The following SGCD variants were observed in gnomAD, a reference collection of about 807,000 sequenced individuals.
SGCD encodes the protein delta-sarcoglycan.
SGCD carries 18 observed loss-of-function variants against 36.6 expected under a neutral mutation model. That is an observed-to-expected ratio of 0.49 (90% confidence interval 0.34 to 0.73). SGCD has a LOEUF of 0.73. Ranked by LOEUF, SGCD falls within the 30% of genes least tolerant of loss-of-function variation. The pLI is 0.01. For missense variants in SGCD, 387 were observed against 346.7 expected (o/e 1.12, Z -0.92); for synonymous variants, 133 against 130.6 (o/e 1.02, Z -0.12).
intron 7 of SGCD, among the ~76,000 whole-genome samples, chr5:156,717,058 C>T (rs1358517514): frequency 6.6e-6 from 1 of 152,158 alleles, no homozygotes; most frequent in African/African-American, 2.4e-5. Context: ...GAAATTAATA[C>T]ATTGAATATT....
intron 3 of SGCD, among the ~76,000 whole-genome samples, chr5:156,424,386 C>T (rs558618908): frequency 2.0e-5 from 3 of 152,150 alleles, no homozygotes; most frequent in Admixed American, 6.6e-5. Context: ...GCCTCCAATT[C>T]TCCACAAATA....
At chr5:156,379,228 T>C (rs979354903) in intron 3 of SGCD, among the ~76,000 whole-genome samples, 5 of 152,130 alleles carry the variant, frequency 3.3e-5, no homozygotes, top group Non-Finnish European at 5.9e-5. Flanking sequence ...ACAGTGATAA[T>C]TGCTAAGGAG....
chr5:156,727,852 A>G (rs182979825), intron 7 of SGCD, among the ~76,000 whole-genome samples: 51 of 152,348 alleles, frequency 3.3e-4, no homozygotes, highest in Admixed American at 9.1e-4. Flanking sequence ...ATTTATTTTC[A>G]ATGTAAAGTA....
At chr5:155,769,948 C>A in the SGCD span, among the ~76,000 whole-genome samples, 4 of 152,146 alleles carry the variant, frequency 2.6e-5, no homozygotes, top group African/African-American at 9.6e-5. Context: ...TGCTTTGTAC[C>A]TTTTCTCTTT....
chr5:156,384,358 G>A (rs1357194673), intron 3 of SGCD, among the ~76,000 whole-genome samples: 1 of 152,096 alleles, frequency 6.6e-6, no homozygotes, highest in African/African-American at 2.4e-5. Flanking sequence ...TATGTGAGAT[G>A]TCCCTCCTGT....
chr5:155,790,126 A>G, the SGCD span, among the ~76,000 whole-genome samples: 1 of 152,080 alleles, frequency 6.6e-6, no homozygotes, highest in Non-Finnish European at 1.5e-5. Flanking sequence ...AAATGCTGAA[A>G]CAAAGCTTTA....
At chr5:155,987,615 G>T (rs1338509009) in intron 1 of SGCD, among the ~76,000 whole-genome samples, 1 of 152,116 alleles carries the variant, frequency 6.6e-6, no homozygotes, top group African/African-American at 2.4e-5. Flanking sequence ...GGTCCTTCAC[G>T]ATCTGGCCTT....
chr5:156,580,876 T>C (rs567936196), intron 4 of SGCD, among the ~76,000 whole-genome samples: 1 of 152,330 alleles, frequency 6.6e-6, no homozygotes, highest in African/African-American at 2.4e-5. Flanking sequence ...TGTTTGTTAT[T>C]ACCAACCTTC....
intron 3 of SGCD, among the ~76,000 whole-genome samples, chr5:156,498,593 C>T (rs1171540993): frequency 6.6e-6 from 1 of 152,116 alleles, no homozygotes; most frequent in African/African-American, 2.4e-5. Context: ...TAGCATGTAC[C>T]TGTATTTCAT....
chr5:155,807,074 G>T, the SGCD span, among the ~76,000 whole-genome samples: 2 of 152,212 alleles, frequency 1.3e-5, no homozygotes, highest in South Asian at 4.1e-4. Context: ...TTGCCTTCTT[G>T]CTTATTTTAA....
At chr5:156,289,293 CTTTAT>C (rs1766697232) in intron 3 of SGCD, among the ~76,000 whole-genome samples, 1 of 151,920 alleles carries the variant, frequency 6.6e-6, no homozygotes, top group African/African-American at 2.4e-5. Flanking sequence ...CTTATTTTTA[CTTTAT>C]TTTTATTTTT....
At chr5:155,922,174 T>C (rs561823634) in intron 1 of SGCD, among the ~76,000 whole-genome samples, 31 of 152,356 alleles carry the variant, frequency 2.0e-4, no homozygotes, top group African/African-American at 7.0e-4. Context: ...AAGATGTTTG[T>C]TGATCGTTAG....
At chr5:156,070,923 G>A (rs1415436888) in intron 1 of SGCD, among the ~76,000 whole-genome samples, 2 of 152,184 alleles carry the variant, frequency 1.3e-5, no homozygotes, top group Non-Finnish European at 2.9e-5. Context: ...TTGCATAGAG[G>A]TGTTTGTAGT....
At chr5:156,514,169 G>T (rs781709636) in intron 4 of SGCD, among the ~76,000 whole-genome samples, 1 of 152,148 alleles carries the variant, frequency 6.6e-6, no homozygotes, top group African/African-American at 2.4e-5. Context: ...GTGAGTAAAG[G>T]TCTCCTTAGG....
chr5:156,540,510 C>G (rs533713376), intron 4 of SGCD, among the ~76,000 whole-genome samples: 1 of 152,096 alleles, frequency 6.6e-6, no homozygotes, highest in Non-Finnish European at 1.5e-5. Flanking sequence ...TTTAAATTAG[C>G]TAAGCTGCAT....
chr5:155,739,040 G>T, the SGCD span, among the ~76,000 whole-genome samples: 2 of 152,124 alleles, frequency 1.3e-5, no homozygotes, highest in East Asian at 1.9e-4. Flanking sequence ...CCTCATTTAT[G>T]CATGTTTTCA....
chr5:156,398,775 C>T (rs1376441445), intron 3 of SGCD, among the ~76,000 whole-genome samples: 2 of 152,178 alleles, frequency 1.3e-5, no homozygotes, highest in Non-Finnish European at 2.9e-5. Flanking sequence ...CAGAGGACTT[C>T]TAGGGTAACC....
rs550214957 is a variant in SGCD at position 156,180,682 on chromosome 5, T to C, written c.-44+56663T>C. 2.0e-5 allele frequency among the ~76,000 whole-genome samples: 3 copies of C among 152,294 alleles called. No individual in the cohort carries two copies. In the East Asian group the frequency reaches 5.8e-4, roughly 29 times the overall value. ...TTCAACATTTATTTTAACATGTTTA[T>C]GTACATGAGGGCCATACACAAATTA... On this transcript the variant is annotated intron_variant, in intron 3 of 9. Transcript: ENST00000517913.
At chr5:156,746,446 C>A (rs1756940981) in intron 7 of SGCD, among the ~76,000 whole-genome samples, 1 of 152,084 alleles carries the variant, frequency 6.6e-6, no homozygotes, top group African/African-American at 2.4e-5. Context: ...AATACGTAGA[C>A]ATAAATAAAT....
Sources: allele counts gnomAD v4.1 joint callset (sites outside exome capture counted in the v4.1 genomes callset), GRCh38; gene constraint gnomAD v4.1.1; transcripts MANE v1.5; gene names NCBI Gene and HGNC (gene_info 2026-07-23, HGNC 2026-07-21).